The following SLCO5A1 variants were observed in gnomAD, a reference collection of about 807,000 sequenced individuals.
The protein encoded by SLCO5A1 is solute carrier organic anion transporter family member 5A1.
SLCO5A1 carries 39 observed loss-of-function variants against 65.1 expected under a neutral mutation model. The observed-to-expected ratio is 0.60, with a 90% CI of 0.46 to 0.78. The LOEUF is 0.78. Among genes scored for constraint, SLCO5A1 ranks in the 30% least tolerant of loss-of-function variants. The probability of loss-of-function intolerance (pLI) is 0.00; values close to 1 mark genes in which losing one functional copy is unlikely to be tolerated. For missense variants in SLCO5A1, 1,029 were observed against 1,069.4 expected, an observed-to-expected ratio of 0.96 and a Z score of 0.53; for synonymous variants, 438 against 415.7, an observed-to-expected ratio of 1.05 and a Z score of -0.65.
chr8:69,730,545 C>T (rs780049066), intron 5 of SLCO5A1, among the ~76,000 whole-genome samples: 21 of 152,098 alleles, frequency 1.4e-4, no homozygotes, highest in African/African-American at 9.7e-5. Context: ...GGAGTCCCTG[C>T]GAGGAGTAAC....
chr8:69,785,159 A>G (rs1819002164), intron 2 of SLCO5A1, among the ~76,000 whole-genome samples: 1 of 152,092 alleles, frequency 6.6e-6, no homozygotes, highest in Non-Finnish European at 1.5e-5. Context: ...TTCTTAGATT[A>G]CCCAAGACAA....
intron 5 of SLCO5A1, among the ~76,000 whole-genome samples, chr8:69,727,923 T>C (rs1258942390): frequency 6.6e-6 from 1 of 152,198 alleles, no homozygotes; most frequent in African/African-American, 2.4e-5. Flanking sequence ...GCAAACTACA[T>C]GCTGGGCAAT....
At chr8:69,761,912 C>T (rs376234393) in intron 2 of SLCO5A1, 37 bp from the exon 3 acceptor site, 17 of 1,606,712 alleles carry the variant, frequency 1.1e-5, no homozygotes, top group African/African-American at 1.3e-5. Flanking sequence ...AATACAGCGA[C>T]GTTTTATTAC....
chr8:69,755,042 G>A (rs1336053157), intron 4 of SLCO5A1, among the ~76,000 whole-genome samples: 1 of 152,058 alleles, frequency 6.6e-6, no homozygotes, highest in Non-Finnish European at 1.5e-5. Flanking sequence ...TCTAATTATA[G>A]TAAATAACAT....
chr8:69,712,923 A>G (rs1815339597), intron 5 of SLCO5A1, among the ~76,000 whole-genome samples: 1 of 152,232 alleles, frequency 6.6e-6, no homozygotes, highest in African/African-American at 2.4e-5. Context: ...CCCATTTTAC[A>G]AATAGATAAT....
rs553956892 is a variant in SLCO5A1, at chr8:69,690,184, C to T, written c.1623-7841G>A. On this transcript the variant is annotated intron_variant, in intron 6 of 9. Coordinates refer to ENST00000260126, the MANE Select transcript of SLCO5A1 (RefSeq NM_030958.3). ...AAGCCCGTTCCCTTGGCTGTGGTTT[C>T]GCTGGATAGTAGGTAGGGACAGTGG... Among the ~76,000 whole-genome samples the T allele has an allele frequency of 1.4e-3, 210 of 151,950 alleles. 1 individual carries two copies. The highest frequency in any genetic ancestry group is 4.3e-3 in the African/African-American group (177 of 41,408).
At chr8:69,694,391 T>C (rs1395382096) in intron 6 of SLCO5A1, among the ~76,000 whole-genome samples, 1 of 152,192 alleles carries the variant, frequency 6.6e-6, no homozygotes, top group African/African-American at 2.4e-5. Flanking sequence ...GAACCAAACA[T>C]GTACCTTACA....
Position 69,673,275 on chromosome 8 carries a change from A to T in SLCO5A1, c.2141T>A (p.Met714Lys). The T allele has an allele frequency of 1.2e-6, 2 of 1,614,256 alleles. No individual in the cohort carries two copies. Among genetic ancestry groups the T allele is most frequent in the Non-Finnish European group, 8.5e-7 (1 of 1,180,030 alleles). Reference protein sequence around the residue: ...YFGAVIDTTCMLWQQECGVQG... With the variant: ...YFGAVIDTTCKLWQQECGVQG... ...CACACCACATTCCTGTTGCCAGAGC[A>T]TGCAGGTGGTGTCAATGACTGCTCC... Residue 714 changes from methionine (M) to lysine (K), a missense_variant, in exon 10 of 10, where the codon ATG becomes AAG. Transcript: ENST00000260126.
chr8:69,802,520 TAAA>T (rs57817058), intron 2 of SLCO5A1, among the ~76,000 whole-genome samples: 2 of 126,894 alleles, frequency 1.6e-5, no homozygotes, highest in Non-Finnish European at 1.7e-5. Context: ...AAAAAAACAC[TAAA>T]AAAAAAAAAA....
At chr8:69,816,466 C>T (rs1007614206) in intron 2 of SLCO5A1, among the ~76,000 whole-genome samples, 1 of 152,062 alleles carries the variant, frequency 6.6e-6, no homozygotes, top group Admixed American at 6.6e-5. Context: ...AGCTGTGGGA[C>T]CCCCATCTCT....
At chr8:69,740,900 T>G (rs1298090224) in intron 4 of SLCO5A1, among the ~76,000 whole-genome samples, 1 of 152,202 alleles carries the variant, frequency 6.6e-6, no homozygotes, top group Non-Finnish European at 1.5e-5. Context: ...GTTTTTATTA[T>G]TCACAGATTC....
At chr8:69,795,513 AC>A (rs1819451478) in intron 2 of SLCO5A1, among the ~76,000 whole-genome samples, 1 of 152,160 alleles carries the variant, frequency 6.6e-6, no homozygotes, top group Admixed American at 6.5e-5. Context: ...CATCCAAGGC[AC>A]TCTGATGCAA....
chr8:69,699,129 A>C (rs748421684), intron 6 of SLCO5A1, among the ~76,000 whole-genome samples: 1 of 152,218 alleles, frequency 6.6e-6, no homozygotes, highest in Non-Finnish European at 1.5e-5. Context: ...TAGTCCATCT[A>C]CGACACAATT....
In SLCO5A1 at chr8:69,669,573, G is replaced by C. The variant is rs1012795897; in HGVS notation, c.*3296C>G. On this transcript the variant is annotated 3_prime_UTR_variant, in exon 10 of 10. Transcript: ENST00000260126. ...CTCATGCCTGTAATCCCAGCACTTT[G>C]AGAGGCCAAGGCAGGTGGATCACTT... 6.6e-6 allele frequency: 1 copy of C among 152,096 alleles called. No homozygotes were observed. The highest frequency in any genetic ancestry group is 1.5e-5 in the Non-Finnish European group (1 of 68,018). The allele number at this position is 152,096 out of a possible 1,614,324, so 9.4% of individuals were successfully genotyped here.
At position 69,799,684 on chromosome 8, in the gene SLCO5A1, C is replaced by A. The variant is rs536792527; in HGVS notation, c.907+32083G>T. ...ATCATGGCAGAAGGGGAAGCAAAAA[C>A]GTCCTTCTTCACATGGCAATAGCGA... is the stretch of plus-strand genomic sequence containing the variant. On this transcript the variant is annotated intron_variant, in intron 2 of 9. Transcript: ENST00000260126. Among the ~76,000 whole-genome samples, 188 of 152,266 alleles carry A rather than the reference C, an allele frequency of 1.2e-3. 1 individual carries two copies. Among genetic ancestry groups the A allele is most frequent in the African/African-American group, 4.3e-3 (177 of 41,552 alleles).
At chr8:69,834,049 G>A in intron 1 of SLCO5A1, 1 of 152,906 alleles carries the variant, frequency 6.5e-6, no homozygotes, top group Non-Finnish European at 1.5e-5. Flanking sequence ...AGCGCACCCC[G>A]CTAGCGTGGG....
At chr8:69,702,896 C>T (rs1798383783) in intron 6 of SLCO5A1, among the ~76,000 whole-genome samples, 1 of 152,068 alleles carries the variant, frequency 6.6e-6, no homozygotes, top group Non-Finnish European at 1.5e-5. Flanking sequence ...ATCATTTGAG[C>T]TCAGGAGTTT....
At chr8:69,692,590 C>G (rs559097091) in intron 6 of SLCO5A1, among the ~76,000 whole-genome samples, 1 of 152,262 alleles carries the variant, frequency 6.6e-6, no homozygotes, top group Admixed American at 6.5e-5. Flanking sequence ...AACTGTGGTG[C>G]AAAAGTATTT....
intron 5 of SLCO5A1, among the ~76,000 whole-genome samples, chr8:69,712,657 C>T (rs1224777597): frequency 2.0e-5 from 3 of 152,192 alleles, no homozygotes; most frequent in Admixed American, 2.0e-4. Context: ...TAGCCCCTCT[C>T]ATCACACCTG....
Sources: gnomAD v4.1 joint callset for allele counts (sites outside exome capture counted in the v4.1 genomes callset) on GRCh38, gnomAD v4.1.1 for gene constraint, MANE v1.5 for transcripts, NCBI Gene and HGNC (gene_info 2026-07-23, HGNC 2026-07-21) for gene names.